TAOK3: variants seen among roughly 807,000 people sequenced by gnomAD.
TAOK3 encodes the protein serine/threonine-protein kinase TAO3.
TAOK3 carries 40 observed loss-of-function variants against 120.4 expected under a neutral mutation model. The ratio of observed to expected loss-of-function variants is 0.33; its 90% CI spans 0.26 to 0.43. The LOEUF is 0.43. TAOK3 is among the 20% of genes least tolerant of loss of function. The pLI is 1.00. For synonymous variants in TAOK3, 355 were observed against 387.5 expected (o/e 0.92, Z 0.99); for missense variants, 821 against 1,112.1 (o/e 0.74, Z 3.72).
At chr12:118,362,795 ATC>A (rs748597752) in intron 1 of TAOK3, among the ~76,000 whole-genome samples, 1 of 152,174 alleles carries the variant, frequency 6.6e-6, no homozygotes, top group Non-Finnish European at 1.5e-5. Flanking sequence ...AGGTAGATGG[ATC>A]GCCTGAGGTC....
rs1566021303 is a variant in TAOK3 at position 118,255,430 on chromosome 12, ACT to A, written c.120+16_120+17del. Reference sequence around the variant, plus strand: ...TTTCTTAATCTGATCTATCTAAAAGACTCTTTTAAGTACTTACAAAATAAACT... The same window carrying A: ...TTTCTTAATCTGATCTATCTAAAAGACTTTTAAGTACTTACAAAATAAACT... On this transcript the variant is annotated intron_variant, in intron 3 of 20. Transcript: ENST00000392533. 6.2e-7 allele frequency: 1 copy of A among 1,613,460 alleles called. No individual in the cohort carries two copies. Among genetic ancestry groups the A allele is most frequent in the South Asian group, 1.1e-5 (1 of 91,042 alleles).
At chr12:118,350,483 T>G (rs1039291404) in intron 1 of TAOK3, among the ~76,000 whole-genome samples, 1 of 152,202 alleles carries the variant, frequency 6.6e-6, no homozygotes, top group Non-Finnish European at 1.5e-5. Context: ...ACCTAGCACC[T>G]AACAAGCACT....
intron 17 of TAOK3, 63 bp downstream of exon 17, chr12:118,172,394 A>G: frequency 6.4e-7 from 1 of 1,551,832 alleles, no homozygotes; most frequent in Non-Finnish European, 8.9e-7. Flanking sequence ...AGACATGGTC[A>G]CAAGCCTCAC....
intron 17 of TAOK3, among the ~76,000 whole-genome samples, chr12:118,166,827 TAC>T (rs769244693): frequency 0.091 from 13,263 of 145,750 alleles, 829 homozygotes; most frequent in Non-Finnish European, 0.13. Flanking sequence ...TATATATATA[TAC>T]ACACACACAC....
intron 9 of TAOK3, among the ~76,000 whole-genome samples, chr12:118,219,680 G>T (rs1395428944): frequency 2.0e-5 from 3 of 150,634 alleles, no homozygotes; most frequent in African/African-American, 7.3e-5. Flanking sequence ...CTGCAGCCTT[G>T]ACCTCCTGGG....
At chr12:118,269,172 T>C (rs78306397) in intron 1 of TAOK3, among the ~76,000 whole-genome samples, 4 of 151,992 alleles carry the variant, frequency 2.6e-5, no homozygotes, top group Non-Finnish European at 4.4e-5. Context: ...TTTCTTTTTT[T>C]ATTTTTTGAG....
intron 3 of TAOK3, among the ~76,000 whole-genome samples, chr12:118,247,752 T>C (rs2040579519): frequency 6.6e-6 from 1 of 152,174 alleles, no homozygotes; most frequent in South Asian, 2.1e-4. Context: ...TGGCCTCAAG[T>C]AATCCGCCCG....
rs557337450 is a variant in TAOK3, at chr12:118,197,813, G to C, written c.1194+1238C>G. 2.1e-5 allele frequency among the ~76,000 whole-genome samples: 3 copies of C among 145,138 alleles called. No individual in the cohort carries two copies. In the South Asian group the frequency reaches 6.8e-4, roughly 33 times the overall value. On this transcript the variant is annotated intron_variant, in intron 13 of 20. Transcript: ENST00000392533. ...CGCCATTCTCCTGCCTCAGCCTCCC[G>C]AGTAGCTGGGACTACAGGTGCCTAC...
At chr12:118,279,778 T>C in intron 1 of TAOK3, among the ~76,000 whole-genome samples, 1 of 151,086 alleles carries the variant, frequency 6.6e-6, no homozygotes, top group East Asian at 1.9e-4. Flanking sequence ...GTTTTTTTTT[T>C]TTTTGAGACA....
intron 1 of TAOK3, among the ~76,000 whole-genome samples, chr12:118,370,989 C>T (rs1035680540): frequency 6.6e-6 from 1 of 152,158 alleles, no homozygotes; most frequent in African/African-American, 2.4e-5. Context: ...GACTCCAAAA[C>T]CTCTTTTGAA....
intron 1 of TAOK3, among the ~76,000 whole-genome samples, chr12:118,347,481 G>T (rs1163854042): frequency 6.6e-6 from 1 of 152,132 alleles, no homozygotes; most frequent in Non-Finnish European, 1.5e-5. Flanking sequence ...TTCCTGACAG[G>T]AAGATGCTCT....
At chr12:118,260,533 T>C (rs932259240) in intron 2 of TAOK3, among the ~76,000 whole-genome samples, 1 of 152,224 alleles carries the variant, frequency 6.6e-6, no homozygotes, top group Admixed American at 6.5e-5. Flanking sequence ...ATATAGATGA[T>C]ACATGTTAAA....
chr12:118,319,602 CTTATCA>C (rs1436874858), intron 1 of TAOK3, among the ~76,000 whole-genome samples: 1 of 151,898 alleles, frequency 6.6e-6, no homozygotes, highest in Admixed American at 6.6e-5. Context: ...TGAAAAAATG[CTTATCA>C]TTAATTATTA....
At position 118,360,611 on chromosome 12, in the gene TAOK3, T is replaced by G. The variant is rs573908357; in HGVS notation, c.-194+12037A>C. ...AAAGTATGTGATTTCATTCAACAAA[T>G]GCTTACTAATTGGCTTCTATGTGCA... On this transcript the variant is annotated intron_variant, in intron 1 of 20. Transcript: ENST00000392533. 2.0e-5 allele frequency among the ~76,000 whole-genome samples: 3 copies of G among 147,226 alleles called. No individual in the cohort carries two copies. In the East Asian group the frequency reaches 6.0e-4, roughly 29 times the overall value.
intron 1 of TAOK3, among the ~76,000 whole-genome samples, chr12:118,364,061 G>A (rs900057969): frequency 2.0e-5 from 3 of 152,062 alleles, no homozygotes; most frequent in South Asian, 2.1e-4. Context: ...GCTTGAACCC[G>A]GGAGGCAGAG....
intron 1 of TAOK3, among the ~76,000 whole-genome samples, chr12:118,319,744 TG>T (rs2140932653): frequency 6.6e-6 from 1 of 152,230 alleles, no homozygotes; most frequent in South Asian, 2.1e-4. Context: ...CGCACACTGC[TG>T]GTGGGAATAT....
At chr12:118,360,812 T>C (rs2045573861) in intron 1 of TAOK3, among the ~76,000 whole-genome samples, 1 of 152,196 alleles carries the variant, frequency 6.6e-6, no homozygotes, top group South Asian at 2.1e-4. Context: ...TTAGTGTAGT[T>C]ACTAAGAAGC....
At chr12:118,331,323 G>A (rs1160475322) in intron 1 of TAOK3, among the ~76,000 whole-genome samples, 1 of 152,062 alleles carries the variant, frequency 6.6e-6, no homozygotes, top group Non-Finnish European at 1.5e-5. Flanking sequence ...TGCCAACCCT[G>A]TGACTTTGGG....
Position 118,160,269 on chromosome 12 carries a change from T to C in TAOK3, c.2229A>G (p.Glu743=). 6.2e-7 allele frequency: 1 copy of C among 1,614,198 alleles called. No homozygotes were observed. The highest frequency in any genetic ancestry group is 1.1e-5 in the South Asian group (1 of 91,082). The change falls in exon 19 of 21, where the codon GAA becomes GAG. Residue 743 remains glutamate (E), a synonymous_variant. Transcript: ENST00000392533. This position sits in a 1 kb window ranked among gnomAD's most constrained non-coding sequence, Gnocchi z 4.2. ...TTTTGTGCTCATTCTTTGGAGTAACTTCCAACTGGTGATTCTTGAGTGCTT... is the reference window on the plus strand; with the variant it reads ...TTTTGTGCTCATTCTTTGGAGTAACCTCCAACTGGTGATTCTTGAGTGCTT... ...QYKALKNHQL[E]VTPKNEHKTI... is the part of the protein sequence containing the mutation.
Sources: gnomAD v4.1 joint callset for allele counts (sites outside exome capture counted in the v4.1 genomes callset) on GRCh38, gnomAD v4.1.1 for gene constraint, Gnocchi (gnomAD v3.1) non-coding constraint, MANE v1.5 for transcripts, NCBI Gene and HGNC (gene_info 2026-07-23, HGNC 2026-07-21) for gene names.